LAMA2: variants seen among roughly 807,000 people sequenced by gnomAD.
LAMA2 encodes laminin subunit alpha 2, also known as laminin subunit alpha-2.
In LAMA2, 269 loss-of-function variants were observed where a neutral mutation model predicts 364.8. The ratio of observed to expected loss-of-function variants is 0.74; its 90% CI spans 0.67 to 0.82. LAMA2 has a LOEUF of 0.82. Among genes scored for constraint, LAMA2 ranks in the 40% least tolerant of loss-of-function variants. The pLI is 0.00. For missense variants in LAMA2, 3,807 were observed against 3,873.2 expected (o/e 0.98, Z 0.45); for synonymous variants, 1,379 against 1,370.6 (o/e 1.01, Z -0.14).
intron 51 of LAMA2, among the ~76,000 whole-genome samples, chr6:129,466,389 T>C (rs1417863614): frequency 2.0e-5 from 3 of 151,906 alleles, no homozygotes; most frequent in Non-Finnish European, 4.4e-5. Flanking sequence ...AAAGCATGTA[T>C]GGACATTTCA....
chr6:129,477,944 C>T (rs1172965448), intron 53 of LAMA2, among the ~76,000 whole-genome samples: 1 of 152,012 alleles, frequency 6.6e-6, no homozygotes, highest in African/African-American at 2.4e-5. Flanking sequence ...ACCAACATGC[C>T]CAGCTACTTT....
intron 12 of LAMA2, among the ~76,000 whole-genome samples, chr6:129,200,306 GTA>G (rs1329542919): frequency 1.1e-4 from 10 of 91,960 alleles, no homozygotes; most frequent in African/African-American, 3.8e-4. Flanking sequence ...ATACATGTGT[GTA>G]TATATATACG....
intron 29 of LAMA2, among the ~76,000 whole-genome samples, chr6:129,338,592 T>C (rs935914485): frequency 2.0e-5 from 3 of 152,204 alleles, no homozygotes; most frequent in Non-Finnish European, 1.5e-5. Flanking sequence ...CACTTGAAAT[T>C]TGGGCTTTTT....
chr6:129,015,291 G>A (rs1018547468), intron 1 of LAMA2, among the ~76,000 whole-genome samples: 7 of 151,968 alleles, frequency 4.6e-5, no homozygotes, highest in Admixed American at 2.0e-4. Context: ...AAAGTAATGC[G>A]TCCATTCTAA....
intron 17 of LAMA2, among the ~76,000 whole-genome samples, chr6:129,276,529 A>G (rs911925697): frequency 6.6e-6 from 1 of 152,122 alleles, no homozygotes. Flanking sequence ...TAACGTTAGA[A>G]CTGAATTTCA....
At chr6:129,439,078 A>C (rs1466858458) in intron 42 of LAMA2, among the ~76,000 whole-genome samples, 1 of 151,642 alleles carries the variant, frequency 6.6e-6, no homozygotes, top group Non-Finnish European at 1.5e-5. Context: ...CCCCCCCCAC[A>C]GATATCAAAA....
chr6:129,400,780 T>C (rs1292550816), intron 37 of LAMA2, among the ~76,000 whole-genome samples: 2 of 152,234 alleles, frequency 1.3e-5, no homozygotes, highest in Non-Finnish European at 2.9e-5. Flanking sequence ...CTAAGTTTCC[T>C]TAAAAATCTC....
intron 38 of LAMA2, among the ~76,000 whole-genome samples, chr6:129,402,036 C>T (rs1270235630): frequency 6.6e-6 from 1 of 151,778 alleles, no homozygotes. Context: ...GGCGAAACCC[C>T]GTCTCTATTA....
chr6:129,342,897 T>C (rs1429404177), intron 30 of LAMA2, among the ~76,000 whole-genome samples: 1 of 152,142 alleles, frequency 6.6e-6, no homozygotes, highest in Non-Finnish European at 1.5e-5. Context: ...GATTGGGAAA[T>C]AATTATCAAG....
chr6:129,052,135 CT>C (rs34305119), intron 2 of LAMA2, among the ~76,000 whole-genome samples: 33,556 of 127,062 alleles, frequency 0.26, 4,392 homozygotes, highest in East Asian at 0.32. Flanking sequence ...ATTTCTTCTC[CT>C]TTTTTTTTTT....
rs9375602 is a variant in LAMA2 at position 128,920,693 on chromosome 6, A to G, written c.112+37336A>G. On this transcript the variant is annotated intron_variant, in intron 1 of 64. Coordinates refer to ENST00000421865, the MANE Select transcript of LAMA2 (RefSeq NM_000426.4). ...ACATATATATATATATTATATATAC[A>G]TGTGTGTATATATATGCATATATAT... Among the ~76,000 whole-genome samples the G allele has an allele frequency of 5.3e-5, 8 of 151,462 alleles. No individual in the cohort carries two copies. In the East Asian group the frequency reaches 1.5e-3, roughly 29 times the overall value.
intron 56 of LAMA2, chr6:129,490,698 G>A (rs1784815961): frequency 6.6e-6 from 1 of 152,056 alleles, no homozygotes; most frequent in South Asian, 2.1e-4. Context: ...TGAAATTCTC[G>A]TCTCAGGAAA....
rs149455601 is a variant in LAMA2 at position 129,200,196 on chromosome 6, A to G, written c.1782+7343A>G. ...TACACATATACATGTGTATATATACATGTACACATATACATGTGTATATAT... is the reference window on the plus strand; with the variant it reads ...TACACATATACATGTGTATATATACGTGTACACATATACATGTGTATATAT... On this transcript the variant is annotated intron_variant, in intron 12 of 64. Transcript: ENST00000421865. Among the ~76,000 whole-genome samples, 172 of 105,444 alleles carry G rather than the reference A, an allele frequency of 1.6e-3. 4 individuals carry two copies. Among genetic ancestry groups the G allele is most frequent in the South Asian group, 4.2e-3 (14 of 3,322 alleles). The allele number at this position is 105,444 out of a possible 152,430, so 69.2% of individuals were successfully genotyped here.
In LAMA2 at chr6:129,072,497, A is replaced by G. The variant is rs368627906; in HGVS notation, c.396+12601A>G. On this transcript the variant is annotated intron_variant, in intron 3 of 64. Coordinates refer to ENST00000421865, the MANE Select transcript of LAMA2 (RefSeq NM_000426.4). ...CAGCATAAATTTGAATTGTTTATTT[A>G]ACTAATCTGATAATCTTTTCCTTTA... Among the ~76,000 whole-genome samples the G allele has an allele frequency of 3.3e-5, 5 of 152,094 alleles. No homozygotes were observed. In the South Asian group the frequency reaches 6.2e-4, roughly 19 times the overall value.
At chr6:128,947,550 C>A (rs1415565550) in intron 1 of LAMA2, among the ~76,000 whole-genome samples, 1 of 152,124 alleles carries the variant, frequency 6.6e-6, no homozygotes, top group Non-Finnish European at 1.5e-5. Context: ...GGAAGTAATT[C>A]AATCATGAGG....
intron 12 of LAMA2, among the ~76,000 whole-genome samples, chr6:129,248,262 G>A (rs574431128): frequency 5.9e-5 from 9 of 152,252 alleles, no homozygotes; most frequent in African/African-American, 1.7e-4. Flanking sequence ...TGTCTTCCAC[G>A]AAACCCATGC....
chr6:128,967,340 A>G (rs1781907542), intron 1 of LAMA2, among the ~76,000 whole-genome samples: 1 of 152,252 alleles, frequency 6.6e-6, no homozygotes, highest in Non-Finnish European at 1.5e-5. Context: ...TGTCTTTTAC[A>G]AGGCACTAAA....
chr6:129,309,931 G>C (rs895591777), intron 22 of LAMA2, among the ~76,000 whole-genome samples: 4 of 124,408 alleles, frequency 3.2e-5, no homozygotes, highest in Non-Finnish European at 6.4e-5. Flanking sequence ...ACGGAGTCTC[G>C]CTCTGTCACC....
At chr6:129,299,710 TAACA>T (rs1773427585) in intron 21 of LAMA2, among the ~76,000 whole-genome samples, 1 of 152,178 alleles carries the variant, frequency 6.6e-6, no homozygotes, top group African/African-American at 2.4e-5. Context: ...CAGCAATGAC[TAACA>T]TTTATTTAGT....
Sources: allele counts gnomAD v4.1 joint callset (sites outside exome capture counted in the v4.1 genomes callset), GRCh38; gene constraint gnomAD v4.1.1; transcripts MANE v1.5; gene names NCBI Gene and HGNC (gene_info 2026-07-23, HGNC 2026-07-21).